Variants in NPM3 observed in about 807,000 individuals in gnomAD.
NPM3 encodes the protein nucleoplasmin-3.
NPM3 carries 12 observed loss-of-function variants against 18.1 expected under a neutral mutation model. That is an observed-to-expected ratio of 0.66 (90% CI 0.42 to 1.07). The LOEUF (loss-of-function observed/expected upper bound fraction) is 1.07, where lower values mean the gene tolerates loss of function less well. NPM3 is among the 50% of genes least tolerant of loss of function. The pLI is 0.00. For synonymous variants in NPM3, 116 were observed against 93.7 expected, an observed-to-expected ratio of 1.24 and a Z score of -1.38; for missense variants, 274 against 232.1, an observed-to-expected ratio of 1.18 and a Z score of -1.17.
At position 101,782,834 on chromosome 10, in the gene NPM3, C is replaced by T; in HGVS notation, c.204+5G>A. On this transcript the variant is annotated splice_donor_5th_base_variant and intron_variant, in intron 2 of 5. Coordinates refer to ENST00000370110, the Ensembl canonical transcript of NPM3. The stretch of plus-strand genomic sequence containing the variant: ...TCATTAAAACCCCACTCCCCTGCCC[C>T]TCACCATGGTTAGTGCCAGCACGTG... 1.2e-6 allele frequency: 2 copies of T among 1,614,010 alleles called. No individual in the cohort carries two copies. The highest frequency in any genetic ancestry group is 8.5e-7 in the Non-Finnish European group (1 of 1,179,948).
chr10:101,781,888 G>T, intron 4 of NPM3, 34 bp from the exon 5 acceptor site: 2 of 1,614,116 alleles, frequency 1.2e-6, no homozygotes, highest in Non-Finnish European at 1.7e-6. Flanking sequence ...AGGATGGGGT[G>T]TTAAGACCAG....
Position 101,782,925 on chromosome 10 carries a change from CTGGTAGAAATAACAG to C in NPM3, c.119-16_119-2del, listed in dbSNP as rs763017675. 2 of 1,613,860 alleles carry C rather than the reference CTGGTAGAAATAACAG, an allele frequency of 1.2e-6. No homozygotes were observed. The highest frequency in any genetic ancestry group is 4.5e-5 in the East Asian group (2 of 44,888). On this transcript the variant is annotated splice_acceptor_variant and splice_polypyrimidine_tract_variant and intron_variant, in intron 1 of 5. Coordinates refer to ENST00000370110, the Ensembl canonical transcript of NPM3. LOFTEE classifies it high-confidence loss of function. ...CGGGTGTGGCCGGAGAGCTCACAGC[CTGGTAGAAATAACAG>C]TGAGTATGCCTGAGCGTGTGTACGG... is the stretch of plus-strand genomic sequence containing the variant.
chr10:101,783,355 CA>C lies in NPM3; in HGVS notation c.35del (p.Leu12Ter). On this transcript the variant is annotated frameshift_variant, in exon 1 of 6. Transcript: ENST00000370110. LOFTEE classifies it high-confidence loss of function. ...CGGCCCGCGTTCGGCTCTCCTGACTCAAAAACGCTAAGGCAGCTGCAGTACC... is the reference window on the plus strand; with the variant it reads ...CGGCCCGCGTTCGGCTCTCCTGACTCAAAACGCTAAGGCAGCTGCAGTACC... 6.2e-7 allele frequency: 1 copy of C among 1,612,948 alleles called. No homozygotes were observed. The highest frequency in any genetic ancestry group is 2.2e-5 in the East Asian group (1 of 44,824).
chr10:101,782,790 A>G (rs1447428049), intron 2 of NPM3, 49 bp downstream of exon 2: 4 of 1,602,140 alleles, frequency 2.5e-6, no homozygotes, highest in Non-Finnish European at 3.4e-6. Context: ...AGAGACCTAT[A>G]TTGCCTGCCT....
chr10:101,783,391 G>T (rs749759299), exon 1 of NPM3: 1 of 1,598,518 alleles, frequency 6.3e-7, no homozygotes, highest in Non-Finnish European at 8.5e-7. Flanking sequence ...CGGCGGCCAT[G>T]CTGTAAGAGC....
At chr10:101,782,718 G>C (rs1325170801) in intron 2 of NPM3, 121 bp from the exon 3 acceptor site, 110 of 1,573,026 alleles carry the variant, frequency 7.0e-5, no homozygotes, top group Non-Finnish European at 9.3e-5. Context: ...CAGGGGAGCC[G>C]CCCATGCCGG....
chr10:101,782,368 G>A lies in NPM3; in HGVS notation c.325-17C>T. 1 of 1,612,774 alleles carries A rather than the reference G, an allele frequency of 6.2e-7. No individual in the cohort carries two copies. ...CAGACTGAGCTGGGAGGAAGACAAG[G>A]ATGAAGGCCTGGCCCACTCCTAGCC... On this transcript the variant is annotated splice_polypyrimidine_tract_variant and intron_variant, in intron 3 of 5. Transcript: ENST00000370110.
At chr10:101,781,775 G>A (rs761631994) in exon 5 of NPM3, 11 of 1,614,078 alleles carry the variant, frequency 6.8e-6, no homozygotes, top group Non-Finnish European at 8.5e-6. Flanking sequence ...GAAGGATGGG[G>A]CACAGCTCAA....
chr10:101,783,189 G>C, intron 1 of NPM3, 84 bp downstream of exon 1: 1 of 1,078,110 alleles, frequency 9.3e-7, no homozygotes, highest in African/African-American at 1.6e-5. Flanking sequence ...CCACACCCAC[G>C]CCTTGAAACC....
chr10:101,783,268 A>G lies in NPM3; in HGVS notation c.118+5T>C. ...ACCACCCTCAGCCTCTCCCTTCACT[A>G]ATACCGAAGAAAAAACTGTCCATAG... is the stretch of plus-strand genomic sequence containing the variant. On this transcript the variant is annotated splice_donor_5th_base_variant and intron_variant, in intron 1 of 5. Transcript: ENST00000370110. 1 of 1,591,544 alleles carries G rather than the reference A, an allele frequency of 6.3e-7. No individual in the cohort carries two copies. Among genetic ancestry groups the G allele is most frequent in the Non-Finnish European group, 8.6e-7 (1 of 1,165,112 alleles).
Position 101,781,871 on chromosome 10 carries a change from CAGT to C in NPM3, c.419-20_419-18del, listed in dbSNP as rs1317289775. On this transcript the variant is annotated intron_variant, in intron 4 of 5. Transcript: ENST00000370110. The stretch of plus-strand genomic sequence containing the variant: ...TCATCGTAACTGGTGGACACACAAG[CAGT>C]AGAAGGATGGGGTGTTAAGACCAGA... 1.2e-6 allele frequency: 2 copies of C among 1,614,040 alleles called. No homozygotes were observed. Among genetic ancestry groups the C allele is most frequent in the Non-Finnish European group, 1.7e-6 (2 of 1,180,038 alleles).
At position 101,783,382 on chromosome 10, in the gene NPM3, G is replaced by A. The variant is rs764247956; in HGVS notation, c.9C>T (p.Ala3=). 3.7e-6 allele frequency: 6 copies of A among 1,607,030 alleles called. No homozygotes were observed. The African/African-American group carries it at 5.4e-5, about 14-fold the overall frequency. Residue 3 remains alanine (A), a synonymous_variant, in exon 1 of 6, where the codon GCC becomes GCT. Coordinates refer to ENST00000370110, the Ensembl canonical transcript of NPM3. ...AAAACGCTAAGGCAGCTGCAGTACC[G>A]GCGGCCATGCTGTAAGAGCCTTCTT...
chr10:101,782,662 TCTACCCTAGCAC>T (rs2065151031), intron 2 of NPM3, 65 bp from the exon 3 acceptor site: 6 of 1,608,238 alleles, frequency 3.7e-6, no homozygotes, highest in Non-Finnish European at 5.1e-6. Flanking sequence ...ACTAAAGGCA[TCTACCCTAGCAC>T]CTGCCCAGCC....
intron 4 of NPM3, 58 bp from the exon 5 acceptor site, chr10:101,781,912 G>A (rs2065144190): frequency 1.9e-6 from 3 of 1,613,546 alleles, no homozygotes; most frequent in African/African-American, 1.3e-5. Flanking sequence ...GTTTCACACC[G>A]CATGCCATTT....
chr10:101,782,234 G>T (rs1285564010), intron 4 of NPM3, 24 bp downstream of exon 4: 1 of 1,587,004 alleles, frequency 6.3e-7, no homozygotes, highest in African/African-American at 1.3e-5. Flanking sequence ...GGAAGCAAAG[G>T]AGAGGGCCCT....
At chr10:101,781,951 G>C (rs1311023164) in intron 4 of NPM3, 97 bp from the exon 5 acceptor site, 4 of 1,599,784 alleles carry the variant, frequency 2.5e-6, no homozygotes, top group Non-Finnish European at 3.4e-6. Flanking sequence ...GGCTTACAGG[G>C]ACCATGACCT....
exon 1 of NPM3, chr10:101,783,319 C>T: frequency 1.9e-6 from 3 of 1,613,002 alleles, no homozygotes; most frequent in Non-Finnish European, 2.5e-6. Context: ...CCCGTAGGCC[C>T]CCGACACCCC....
At chr10:101,781,741 G>T (rs2065142231) in exon 5 of NPM3, 1 of 1,613,956 alleles carries the variant, frequency 6.2e-7, no homozygotes, top group African/African-American at 1.3e-5. Flanking sequence ...GAGGGCTAGG[G>T]CCTGCCCCCC....
Position 101,781,591 on chromosome 10 carries a change from A to T in NPM3, c.*51T>A, listed in dbSNP as rs984471802. 5.4e-6 allele frequency: 3 copies of T among 552,650 alleles called. No individual in the cohort carries two copies. The African/African-American group carries it at 6.5e-5, about 12-fold the overall frequency. 34.2% of individuals were successfully genotyped at this position (552,650 alleles called of 1,614,324 possible). A position where few individuals can be genotyped will look rare whatever the true frequency, so the allele number is the denominator to read the frequency against. ...ATATTTACAATTGTTGAAACTTGTC[A>T]GGGAACAGGGTGCATGGCGGTGCAT... On this transcript the variant is annotated 3_prime_UTR_variant, in exon 6 of 6. Transcript: ENST00000370110.
Sources: allele counts gnomAD v4.1 joint callset, GRCh38; gene constraint gnomAD v4.1.1; transcripts MANE v1.5; gene names NCBI Gene and HGNC (gene_info 2026-07-23, HGNC 2026-07-21).